The following BRCA1 variants were observed in gnomAD, a reference collection of about 807,000 sequenced individuals.
The protein encoded by BRCA1 is BRCA1 DNA repair associated.
A neutral mutation model predicts 173.7 loss-of-function variants in BRCA1; 140 were observed. The ratio of observed to expected loss-of-function variants is 0.81; its 90% CI spans 0.70 to 0.93. The LOEUF (loss-of-function observed/expected upper bound fraction) is 0.93. Among genes scored for constraint, BRCA1 ranks in the 40% least tolerant of loss-of-function variants. The pLI, the probability that BRCA1 is intolerant of heterozygous loss-of-function variation, is 0.00. For missense variants in BRCA1, 1,983 were observed against 2,172.5 expected (o/e 0.91, Z 1.73); for synonymous variants, 662 against 756.0 (o/e 0.88, Z 2.04).
chr17:43,122,705 T>C (rs2055632151), intron 2 of BRCA1, among the ~76,000 whole-genome samples: 6 of 151,996 alleles, frequency 3.9e-5, no homozygotes, highest in Admixed American at 6.6e-5. Flanking sequence ...GGTCAGGAGT[T>C]TGAGACCAGC....
upstream of BRCA1, among the ~76,000 whole-genome samples, chr17:43,128,056 G>A (rs33945274): frequency 0.29 from 40,067 of 136,116 alleles, 7,025 homozygotes; most frequent in South Asian, 0.48. Context: ...AAAAATGCAG[G>A]CTGCCTGAGC....
chr17:43,152,151 A>T (rs1401795159), intron 1 of BRCA1, among the ~76,000 whole-genome samples: 2 of 152,198 alleles, frequency 1.3e-5, no homozygotes, highest in Admixed American at 6.5e-5. Flanking sequence ...GTTGATGGTG[A>T]ATTTTGGTTT....
intron 1 of BRCA1, among the ~76,000 whole-genome samples, chr17:43,135,001 A>G (rs1012335345): frequency 6.6e-6 from 1 of 152,212 alleles, no homozygotes; most frequent in Non-Finnish European, 1.5e-5. Flanking sequence ...CCAATTCCTC[A>G]GCCCTACATG....
rs1043386697 is a variant in BRCA1, at chr17:43,045,324, C to A, written c.*354G>T. The A allele has an allele frequency of 5.3e-6, 3 of 567,164 alleles. No homozygotes were observed. Among genetic ancestry groups the A allele is most frequent in the Non-Finnish European group, 1.0e-5 (3 of 299,018 alleles). 35.1% of individuals were successfully genotyped at this position (567,164 alleles called of 1,614,324 possible). A position where few individuals can be genotyped will look rare whatever the true frequency, so the allele number is the denominator to read the frequency against. ...CAGCTATTCTCTTGAGGCCAAGCCA[C>A]TCTGTGCTTCCAGCCCTAAGCCAAC... On this transcript the variant is annotated 3_prime_UTR_variant, in exon 23 of 23. Transcript: ENST00000357654.
intron 16 of BRCA1, 64 bp downstream of exon 16, chr17:43,067,544 G>A (rs2153691460): frequency 6.5e-6 from 9 of 1,377,494 alleles, no homozygotes; most frequent in Admixed American, 1.7e-5. Context: ...ATGCGCCACC[G>A]TGCCTCGCCT....
chr17:43,099,766 G>T lies in BRCA1; in HGVS notation c.547+9C>A. 6.3e-7 allele frequency: 1 copy of T among 1,589,484 alleles called. No homozygotes were observed. Among genetic ancestry groups the T allele is most frequent in the South Asian group, 1.1e-5 (1 of 90,516 alleles). ...ATTATTAAATACTTAAAAAACCTGA[G>T]ACCCTTACCCAATTCAATGTAGACA... On this transcript the variant is annotated intron_variant, in intron 7 of 22. Transcript: ENST00000357654.
chr17:43,091,674 C>A lies in BRCA1; in HGVS notation c.3857G>T (p.Ser1286Ile), dbSNP rs142383077. The change falls in exon 10 of 23, where the codon AGT becomes ATT. Residue 1286 changes from serine (S) to isoleucine (I), a missense_variant. Coordinates refer to ENST00000357654, the MANE Select transcript of BRCA1 (RefSeq NM_007294.4). ...LAKASQEHHL[S>I]EETKCSASLF... ...GCTAGCAGAACATTTTGTTTCCTCA[C>A]TAAGGTGATGTTCCTGAGATGCCTT... 3.7e-6 allele frequency: 6 copies of A among 1,614,228 alleles called. No individual in the cohort carries two copies. The highest frequency in any genetic ancestry group is 5.1e-6 in the Non-Finnish European group (6 of 1,180,024).
rs273900722 is a variant in BRCA1 at position 43,091,093 on chromosome 17, G to T, written c.4097-61C>A. 4 of 1,453,176 alleles carry T rather than the reference G, an allele frequency of 2.8e-6. No individual in the cohort carries two copies. The highest frequency in any genetic ancestry group is 3.8e-6 in the Non-Finnish European group (4 of 1,051,252). 90.0% of individuals were successfully genotyped at this position (1,453,176 alleles called of 1,614,324 possible). A position where few individuals can be genotyped will look rare whatever the true frequency, so the allele number is the denominator to read the frequency against. On this transcript the variant is annotated intron_variant, in intron 10 of 22. Coordinates refer to ENST00000357654, the MANE Select transcript of BRCA1 (RefSeq NM_007294.4). ...CAGACTATAAACGCTGCAACTTGCT[G>T]TGTCTTTTTCTTCTCATTGGCAGGA...
intron 2 of BRCA1, among the ~76,000 whole-genome samples, chr17:43,120,819 C>T (rs1397108120): frequency 6.6e-6 from 1 of 151,898 alleles, no homozygotes; most frequent in African/African-American, 2.4e-5. Context: ...CTCACGCCAG[C>T]ACTTTGGAAG....
chr17:43,151,433 A>G (rs948932590), intron 1 of BRCA1, among the ~76,000 whole-genome samples: 6 of 152,172 alleles, frequency 3.9e-5, no homozygotes, highest in Admixed American at 1.3e-4. Flanking sequence ...TACAAAAATG[A>G]GCCACATGTG....
At chr17:43,121,361 C>T (rs1052322837) in intron 2 of BRCA1, among the ~76,000 whole-genome samples, 5 of 148,876 alleles carry the variant, frequency 3.4e-5, no homozygotes, top group Admixed American at 6.7e-5. Flanking sequence ...GGCAGCAGAG[C>T]GAGACCGTGT....
At chr17:43,105,486 C>T (rs947551945) in intron 4 of BRCA1, among the ~76,000 whole-genome samples, 1 of 152,246 alleles carries the variant, frequency 6.6e-6, no homozygotes, top group African/African-American at 2.4e-5. Flanking sequence ...AGCAATCATC[C>T]CACCTCAGCC....
chr17:43,135,063 C>T lies in BRCA1; in HGVS notation c.-19-10948G>A, dbSNP rs1272943502. Among the ~76,000 whole-genome samples, 6 of 152,358 alleles carry T rather than the reference C, an allele frequency of 3.9e-5. No individual in the cohort carries two copies. In the South Asian group the frequency reaches 1.2e-3, roughly 32 times the overall value. On this transcript the variant is annotated intron_variant, in intron 1 of 7. Transcript: ENST00000634433. ...GTGGGTGGAGGGTACTTTCCCAGCC[C>T]CTGGCTTTGGGCTTGCCCACGTGTC...
At chr17:43,059,572 T>G (rs937572637) in intron 18 of BRCA1, among the ~76,000 whole-genome samples, 2 of 152,008 alleles carry the variant, frequency 1.3e-5, no homozygotes, top group Non-Finnish European at 2.9e-5. Flanking sequence ...CCTTTCCCAC[T>G]CCCCCATATT....
chr17:43,140,607 T>G (rs2056068672), intron 1 of BRCA1, among the ~76,000 whole-genome samples: 2 of 152,172 alleles, frequency 1.3e-5, no homozygotes, highest in African/African-American at 4.8e-5. Flanking sequence ...ACTTCCCTTC[T>G]TCTAAGCCAT....
Position 43,082,405 on chromosome 17 carries a change from T to A in BRCA1, c.4356A>T (p.Lys1452Asn). 1 of 1,613,382 alleles carries A rather than the reference T, an allele frequency of 6.2e-7. No homozygotes were observed. The highest frequency in any genetic ancestry group is 8.5e-7 in the Non-Finnish European group (1 of 1,179,418). ...CAGTGTTTGGCCAACAATACACACCTTTTTCTGATGTGCTTTGTTCTGGAT... is the reference window on the plus strand; with the variant it reads ...CAGTGTTTGGCCAACAATACACACCATTTTCTGATGTGCTTTGTTCTGGAT... ...LRNPEQSTSE[K>N]AVLTSQKSSE... The change falls in exon 12 of 23, where the codon AAA (lysine) becomes AAT (asparagine). Residue 1452 changes from lysine to asparagine, a missense_variant and splice_region_variant. Physicochemically the swap from Lys to Asn is moderately conservative, Grantham distance 94 (BLOSUM62 0). Coordinates refer to ENST00000357654, the MANE Select transcript of BRCA1 (RefSeq NM_007294.4).
chr17:43,094,721 A>G lies in BRCA1; in HGVS notation c.810T>C (p.His270=), dbSNP rs778359104. The change falls in exon 10 of 23, where the codon CAT becomes CAC. Residue 270 remains histidine (H), a synonymous_variant. Coordinates refer to ENST00000357654, the MANE Select transcript of BRCA1 (RefSeq NM_007294.4). ...KYQGSSVSNL[H]VEPCGTNTHA... ...GAGTATTTGTGCCACATGGCTCCACATGCAAGTTTGAAACAGAACTACCCT... is the reference window on the plus strand; with the variant it reads ...GAGTATTTGTGCCACATGGCTCCACGTGCAAGTTTGAAACAGAACTACCCT... The G allele has an allele frequency of 6.8e-6, 11 of 1,611,640 alleles. No individual in the cohort carries two copies. Among genetic ancestry groups the G allele is most frequent in the Non-Finnish European group, 9.3e-6 (11 of 1,178,370 alleles).
intron 1 of BRCA1, chr17:43,138,835 A>G: frequency 1.3e-6 from 1 of 778,768 alleles, no homozygotes; most frequent in South Asian, 1.3e-5. Context: ...CCCACCAGTC[A>G]CCAGCCTGGG....
chr17:43,140,236 A>G, intron 1 of BRCA1: 1 of 220,554 alleles, frequency 4.5e-6, no homozygotes, highest in Non-Finnish European at 9.3e-6. Context: ...CTCCACAAGG[A>G]CCCTTCCAGA....
Sources: allele counts gnomAD v4.1 joint callset (sites outside exome capture counted in the v4.1 genomes callset), GRCh38; gene constraint gnomAD v4.1.1; transcripts MANE v1.5; gene names NCBI Gene and HGNC (gene_info 2026-07-23, HGNC 2026-07-21).